The following TBC1D16 variants were observed in gnomAD, a reference collection of about 807,000 sequenced individuals.
The protein encoded by TBC1D16 is CTD-2529O21.1.
Under a neutral mutation model 74.7 loss-of-function variants are expected in TBC1D16, and 58 were observed. That is an observed-to-expected ratio of 0.78 (90% confidence interval 0.63 to 0.97). TBC1D16 has a LOEUF of 0.97. Among genes scored for constraint, TBC1D16 ranks in the 50% least tolerant of loss-of-function variants. TBC1D16 has a pLI of 0.00. For missense variants in TBC1D16, 1,014 were observed against 1,079.5 expected, an observed-to-expected ratio of 0.94 and a Z score of 0.85; for synonymous variants, 493 against 474.7, an observed-to-expected ratio of 1.04 and a Z score of -0.50.
chr17:79,948,768 A>C, intron 8 of TBC1D16, 104 bp downstream of exon 8: 2 of 1,434,994 alleles, frequency 1.4e-6, no homozygotes, highest in East Asian at 2.3e-5. Context: ...AACCTGGAAG[A>C]GAGCCCCTGC....
intron 3 of TBC1D16, among the ~76,000 whole-genome samples, chr17:79,963,261 C>T (rs1334031734): frequency 6.6e-6 from 1 of 151,972 alleles, no homozygotes; most frequent in Non-Finnish European, 1.5e-5. Flanking sequence ...TCCCATTCCC[C>T]CCTCACACTC....
intron 1 of TBC1D16, among the ~76,000 whole-genome samples, chr17:80,016,418 T>C (rs556774166): frequency 1.4e-4 from 22 of 152,328 alleles, no homozygotes; most frequent in African/African-American, 5.3e-4. Context: ...GTAAGTTTTA[T>C]GTTATATGTA....
At chr17:79,951,394 C>T (rs372293424) in intron 5 of TBC1D16, 56 bp downstream of exon 5, 63 of 1,584,570 alleles carry the variant, frequency 4.0e-5, no homozygotes, top group East Asian at 2.9e-4. Context: ...AGATGGGGCC[C>T]GTGGGGGGTG....
chr17:79,970,576 C>T (rs541656607), intron 3 of TBC1D16, among the ~76,000 whole-genome samples: 8 of 152,290 alleles, frequency 5.3e-5, no homozygotes, highest in African/African-American at 1.9e-4. Flanking sequence ...AACCTGCAGA[C>T]AACGAGACAA....
At chr17:79,943,362 G>A (rs1487842622) in intron 10 of TBC1D16, among the ~76,000 whole-genome samples, 2 of 152,294 alleles carry the variant, frequency 1.3e-5, no homozygotes, top group Admixed American at 6.5e-5. Flanking sequence ...GGGAGGGCAC[G>A]ATCTCCACAG....
Position 80,000,370 on chromosome 17 carries a change from C to T in TBC1D16, c.779+9790G>A, listed in dbSNP as rs189816426. Among the ~76,000 whole-genome samples, 62 of 152,142 alleles carry T rather than the reference C, an allele frequency of 4.1e-4. No individual in the cohort carries two copies. The highest frequency in any genetic ancestry group is 1.4e-3 in the African/African-American group (60 of 41,420). ...ATCCGTATGAGAAGAAGAGAGGGCA[C>T]ACAAAGGGACACACCCTGTCCATGT... On this transcript the variant is annotated intron_variant, in intron 3 of 11. Coordinates refer to ENST00000310924, the MANE Select transcript of TBC1D16 (RefSeq NM_019020.4). The surrounding 1 kb of genome is among the most constrained non-coding windows in gnomAD (Gnocchi z 4.1).
Position 79,936,154 on chromosome 17 carries a change from C to T in TBC1D16, c.*4705G>A, listed in dbSNP as rs2031571619. The T allele has an allele frequency of 6.6e-6, 1 of 152,294 alleles. No homozygotes were observed. Among genetic ancestry groups the T allele is most frequent in the Non-Finnish European group, 1.5e-5 (1 of 68,064 alleles). The allele number at this position is 152,294 out of a possible 1,614,324, so 9.4% of individuals were successfully genotyped here. Reference sequence around the variant, plus strand: ...ATGGAGAGCTTTGCACATGCATTCACACACACATGCCTGGCGGGATCGCAG... The same window carrying T: ...ATGGAGAGCTTTGCACATGCATTCATACACACATGCCTGGCGGGATCGCAG... On this transcript the variant is annotated 3_prime_UTR_variant, in exon 12 of 12. Coordinates refer to ENST00000310924, the MANE Select transcript of TBC1D16 (RefSeq NM_019020.4).
chr17:79,948,331 A>G (rs2032740640), intron 8 of TBC1D16, among the ~76,000 whole-genome samples: 1 of 138,870 alleles, frequency 7.2e-6, no homozygotes, highest in African/African-American at 2.7e-5. Flanking sequence ...AAAAAAAAGT[A>G]ATGGCCTGCT....
chr17:79,940,951 C>G lies in TBC1D16; in HGVS notation c.2212G>C (p.Gly738Arg). ...HHPGSESCPY[G>R]GTVEMPSPKS... ...GGGGAAGGCATCTCCACCGTGCCCC[C>G]GTAGGGACAGCTCTCCGAGCCGGGA... Residue 738 changes from glycine to arginine, a missense_variant, in exon 12 of 12, where the codon GGG (glycine) becomes CGG (arginine). Gly to Arg is a moderately radical substitution (Grantham distance 125, BLOSUM62 -2). Coordinates refer to ENST00000310924, the MANE Select transcript of TBC1D16 (RefSeq NM_019020.4). This position sits in a 1 kb window ranked among gnomAD's most constrained non-coding sequence, Gnocchi z 5.4. 1 of 1,602,444 alleles carries G rather than the reference C, an allele frequency of 6.2e-7. No individual in the cohort carries two copies. The highest frequency in any genetic ancestry group is 8.5e-7 in the Non-Finnish European group (1 of 1,175,138).
intron 3 of TBC1D16, among the ~76,000 whole-genome samples, chr17:79,970,460 C>T (rs188029724): frequency 2.0e-5 from 3 of 152,322 alleles, no homozygotes; most frequent in East Asian, 1.9e-4. Context: ...CGCTCTCTCC[C>T]GTCTGATTTA....
chr17:79,990,180 C>T lies in TBC1D16; in HGVS notation c.779+19980G>A, dbSNP rs1365077175. On this transcript the variant is annotated intron_variant, in intron 3 of 11. Transcript: ENST00000310924. The surrounding 1 kb of genome is among the most constrained non-coding windows in gnomAD (Gnocchi z 4.8). ...TCTAACGACTAGATTTGACTTTCAG[C>T]TGCTCGGACGGAGGCTTCAACTCAG... 6.6e-6 allele frequency among the ~76,000 whole-genome samples: 1 copy of T among 152,246 alleles called. No individual in the cohort carries two copies. Among genetic ancestry groups the T allele is most frequent in the Non-Finnish European group, 1.5e-5 (1 of 68,040 alleles).
At position 79,987,193 on chromosome 17, in the gene TBC1D16, C is replaced by T. The variant is rs1048967193; in HGVS notation, c.779+22967G>A. On this transcript the variant is annotated intron_variant, in intron 3 of 11. Coordinates refer to ENST00000310924, the MANE Select transcript of TBC1D16 (RefSeq NM_019020.4). This position sits in a 1 kb window ranked among gnomAD's most constrained non-coding sequence, Gnocchi z 5.2. ...AGCACTGGAGAAAATTGTTCCAGAGCGTCTCGGTCTGGGTGGGAGCGGGGA... is the reference window on the plus strand; with the variant it reads ...AGCACTGGAGAAAATTGTTCCAGAGTGTCTCGGTCTGGGTGGGAGCGGGGA... Among the ~76,000 whole-genome samples the T allele has an allele frequency of 8.6e-5, 13 of 151,886 alleles. No homozygotes were observed. The highest frequency in any genetic ancestry group is 1.6e-4 in the Non-Finnish European group (11 of 67,984).
intron 1 of TBC1D16, among the ~76,000 whole-genome samples, chr17:80,026,988 GTGAACAC>G (rs2143340331): frequency 7.2e-6 from 1 of 138,408 alleles, no homozygotes; most frequent in Admixed American, 6.7e-5. Flanking sequence ...CACAAAATGA[GTGAACAC>G]TGGAAAGGGA....
chr17:79,952,965 C>A (rs2033155503), intron 3 of TBC1D16, 147 bp from the exon 4 acceptor site: 1 of 838,486 alleles, frequency 1.2e-6, no homozygotes, highest in African/African-American at 1.7e-5. Context: ...CTGTAAACAC[C>A]TGTGAATAAA....
At chr17:79,967,910 G>T (rs2033909347) in intron 3 of TBC1D16, among the ~76,000 whole-genome samples, 1 of 152,198 alleles carries the variant, frequency 6.6e-6, no homozygotes, top group African/African-American at 2.4e-5. Context: ...GAATAGAATT[G>T]AGAGTCCAGA....
At chr17:79,960,169 A>C (rs895960207) in intron 3 of TBC1D16, among the ~76,000 whole-genome samples, 6 of 152,194 alleles carry the variant, frequency 3.9e-5, no homozygotes, top group African/African-American at 1.4e-4. Flanking sequence ...ATATTTGCCA[A>C]ATGCTTATAT....
At chr17:80,018,154 T>C (rs966982729) in intron 1 of TBC1D16, among the ~76,000 whole-genome samples, 5 of 142,266 alleles carry the variant, frequency 3.5e-5, no homozygotes, top group South Asian at 2.2e-4. Context: ...GAGACATAGA[T>C]ACAATTTTAA....
At chr17:79,946,125 G>A (rs552352536) in intron 9 of TBC1D16, among the ~76,000 whole-genome samples, 1 of 152,304 alleles carries the variant, frequency 6.6e-6, no homozygotes, top group South Asian at 2.1e-4. Flanking sequence ...TGTCATCAGC[G>A]ACCCACTAAC....
intron 9 of TBC1D16, among the ~76,000 whole-genome samples, chr17:79,945,735 T>C (rs964086784): frequency 1.3e-5 from 2 of 152,242 alleles, no homozygotes; most frequent in African/African-American, 4.8e-5. Context: ...CAGAGGCGAA[T>C]GGCGTTGGAC....
Sources: allele counts gnomAD v4.1 joint callset (sites outside exome capture counted in the v4.1 genomes callset), GRCh38; gene constraint gnomAD v4.1.1; non-coding constraint Gnocchi (gnomAD v3.1); transcripts MANE v1.5; gene names NCBI Gene and HGNC (gene_info 2026-07-23, HGNC 2026-07-21).